The following PARD3 variants were observed in gnomAD, a reference collection of about 807,000 sequenced individuals.
PARD3 encodes the protein partitioning defective 3 homolog.
PARD3 carries 75 observed loss-of-function variants against 155.4 expected under a neutral mutation model. That is an observed-to-expected ratio of 0.48 (90% CI 0.40 to 0.58). The LOEUF is 0.58. PARD3 is among the 20% of genes least tolerant of loss of function. The probability of loss-of-function intolerance (pLI) is 0.00; values close to 1 mark genes in which losing one functional copy is unlikely to be tolerated. For synonymous variants in PARD3, 576 were observed against 610.5 expected, an observed-to-expected ratio of 0.94 and a Z score of 0.83; for missense variants, 1,642 against 1,721.7, an observed-to-expected ratio of 0.95 and a Z score of 0.82.
chr10:34,186,152 T>C (rs1660632), intron 22 of PARD3, among the ~76,000 whole-genome samples: 44,213 of 151,334 alleles, frequency 0.29, 7,328 homozygotes, highest in African/African-American at 0.45. Flanking sequence ...GGGGAGGAGA[T>C]GCAGGAAGAA....
At chr10:34,605,180 ATTTTTTTTTTTTTTTTTT>A (rs750688603) in intron 2 of PARD3, among the ~76,000 whole-genome samples, 2 of 62,430 alleles carry the variant, frequency 3.2e-5, no homozygotes, top group Admixed American at 5.6e-4. Flanking sequence ...CCAAAATGAA[ATTTTTTTTTTTTTTTTTT>A]TTTTTTTTTT....
Position 34,674,383 on chromosome 10 carries a change from G to A in PARD3, c.222+21935C>T, listed in dbSNP as rs1028534188. On this transcript the variant is annotated intron_variant, in intron 2 of 24. Transcript: ENST00000374788. ...CCTGAGCTGCCACCCTGCGCTCACT[G>A]CCTAGCGGGTAGCCCTGCTCTGCGG... 9.9e-5 allele frequency among the ~76,000 whole-genome samples: 15 copies of A among 151,814 alleles called. 1 individual carries two copies. Among genetic ancestry groups the A allele is most frequent in the Admixed American group, 6.6e-5 (1 of 15,244 alleles).
chr10:34,688,517 T>C (rs1287514199), intron 2 of PARD3, among the ~76,000 whole-genome samples: 1 of 152,216 alleles, frequency 6.6e-6, no homozygotes, highest in African/African-American at 2.4e-5. Context: ...AAACTGAGAC[T>C]GAGATGCTAA....
chr10:34,440,389 G>T (rs2076402775), intron 5 of PARD3, among the ~76,000 whole-genome samples: 1 of 152,186 alleles, frequency 6.6e-6, no homozygotes, highest in African/African-American at 2.4e-5. Flanking sequence ...ATAGTATAAA[G>T]CATGTATTCC....
chr10:34,220,588 C>A (rs980774556), intron 22 of PARD3, among the ~76,000 whole-genome samples: 6 of 152,126 alleles, frequency 3.9e-5, no homozygotes, highest in African/African-American at 1.2e-4. Flanking sequence ...AGCTCTGAAA[C>A]CACAATACAG....
rs1946344025 is a variant in PARD3 at position 34,110,594 on chromosome 10, CT to C, written c.*574del. 6.6e-6 allele frequency: 1 copy of C among 152,230 alleles called. No homozygotes were observed. The highest frequency in any genetic ancestry group is 2.4e-5 in the African/African-American group (1 of 41,434). 9.4% of individuals were successfully genotyped at this position (152,230 alleles called of 1,614,324 possible). On this transcript the variant is annotated 3_prime_UTR_variant, in exon 25 of 25. Coordinates refer to ENST00000374788, the MANE Select transcript of PARD3 (RefSeq NM_001184785.2). ...GTGACCAAACAATGTTGGACTATGGCTTAGCTTCTGTAATAGGATGACCGAC... is the reference window on the plus strand; with the variant it reads ...GTGACCAAACAATGTTGGACTATGGCTAGCTTCTGTAATAGGATGACCGAC...
intron 2 of PARD3, among the ~76,000 whole-genome samples, chr10:34,615,100 G>A (rs1422088191): frequency 1.3e-5 from 2 of 152,156 alleles, no homozygotes; most frequent in East Asian, 3.8e-4. Flanking sequence ...AGAATGGCCT[G>A]AACCTGGGAG....
intron 2 of PARD3, among the ~76,000 whole-genome samples, chr10:34,523,914 T>C (rs568118458): frequency 6.6e-6 from 1 of 152,302 alleles, no homozygotes; most frequent in Admixed American, 6.5e-5. Flanking sequence ...TACCAATACA[T>C]TTAAATTCTT....
In PARD3 at chr10:34,492,839, C is replaced by T. The variant is rs73261493; in HGVS notation, c.404-22576G>A. Among the ~76,000 whole-genome samples the T allele has an allele frequency of 1.5e-3, 222 of 152,250 alleles. 2 individuals are homozygous for T. Among genetic ancestry groups the T allele is most frequent in the East Asian group, 9.6e-4 (5 of 5,182 alleles). ...ACTTAGTCAATTTAGAAACTTAGGT[C>T]GAATCGATTAAGTAATTCAGTCAAA... On this transcript the variant is annotated intron_variant, in intron 3 of 24. Coordinates refer to ENST00000374788, the MANE Select transcript of PARD3 (RefSeq NM_001184785.2).
intron 2 of PARD3, among the ~76,000 whole-genome samples, chr10:34,596,930 T>G (rs1303206740): frequency 6.6e-6 from 1 of 152,172 alleles, no homozygotes; most frequent in Non-Finnish European, 1.5e-5. Flanking sequence ...AAGAAATTGC[T>G]CCCAGCTGTA....
At chr10:34,162,935 T>C (rs546027120) in intron 22 of PARD3, among the ~76,000 whole-genome samples, 19 of 152,294 alleles carry the variant, frequency 1.2e-4, no homozygotes, top group African/African-American at 4.6e-4. Context: ...CACGGGAATC[T>C]GAAACCACAT....
chr10:34,567,691 A>G (rs763820774), intron 2 of PARD3, among the ~76,000 whole-genome samples: 3 of 152,248 alleles, frequency 2.0e-5, no homozygotes, highest in Non-Finnish European at 4.4e-5. Flanking sequence ...TAAATTTTTC[A>G]GTGGCTTTTA....
intron 15 of PARD3, 71 bp downstream of exon 15, chr10:34,347,894 C>T (rs1837597253): frequency 2.4e-6 from 3 of 1,250,606 alleles, no homozygotes; most frequent in Non-Finnish European, 3.3e-6. Flanking sequence ...TAATATTACA[C>T]CAATAACCTC....
chr10:34,600,918 G>T (rs2089705818), intron 2 of PARD3, among the ~76,000 whole-genome samples: 1 of 150,760 alleles, frequency 6.6e-6, no homozygotes, highest in African/African-American at 2.4e-5. Flanking sequence ...CTCCCAAGCA[G>T]CTGAGACCAC....
At chr10:34,647,140 A>G (rs1280993436) in intron 2 of PARD3, among the ~76,000 whole-genome samples, 1 of 152,226 alleles carries the variant, frequency 6.6e-6, no homozygotes, top group East Asian at 1.9e-4. Context: ...GGATGTCTGT[A>G]GTTAACCAGA....
chr10:34,745,081 G>T (rs1408235994), intron 1 of PARD3, among the ~76,000 whole-genome samples: 1 of 152,190 alleles, frequency 6.6e-6, no homozygotes, highest in Non-Finnish European at 1.5e-5. Context: ...GAAAAACAAG[G>T]CTGGTTGTAG....
At chr10:34,648,700 C>T (rs990727134) in intron 2 of PARD3, among the ~76,000 whole-genome samples, 10 of 152,216 alleles carry the variant, frequency 6.6e-5, no homozygotes, top group Non-Finnish European at 1.5e-4. Flanking sequence ...GCTGTGCAGC[C>T]TGGCTCCTAA....
Position 34,157,085 on chromosome 10 carries a change from G to T in PARD3, c.3420-25502C>A, listed in dbSNP as rs532466626. ...TTTTATAGCTGCTTAAAAACCCTGA[G>T]AATAGTTGTACATGGATCTCAGCAA... On this transcript the variant is annotated intron_variant, in intron 22 of 24. Coordinates refer to ENST00000374788, the MANE Select transcript of PARD3 (RefSeq NM_001184785.2). Among the ~76,000 whole-genome samples the T allele has an allele frequency of 1.4e-4, 22 of 152,336 alleles. No homozygotes were observed. The South Asian group carries it at 1.4e-3, about 10-fold the overall frequency.
At chr10:34,535,530 A>G (rs2083163980) in intron 2 of PARD3, among the ~76,000 whole-genome samples, 1 of 152,218 alleles carries the variant, frequency 6.6e-6, no homozygotes. Flanking sequence ...TCTGTCGCCC[A>G]GGCTGGAGTG....
Sources: allele counts gnomAD v4.1 joint callset (sites outside exome capture counted in the v4.1 genomes callset), GRCh38; gene constraint gnomAD v4.1.1; transcripts MANE v1.5; gene names NCBI Gene and HGNC (gene_info 2026-07-23, HGNC 2026-07-21).